Variants in HSDL2 observed in about 807,000 individuals in gnomAD.
HSDL2 encodes the protein hydroxysteroid dehydrogenase-like protein 2.
HSDL2 carries 27 observed loss-of-function variants against 46.3 expected under a neutral mutation model. The observed-to-expected ratio is 0.58, with a 90% CI of 0.43 to 0.80. The LOEUF is 0.80. HSDL2 is among the 30% of genes least tolerant of loss of function. HSDL2 has a pLI of 0.00. For synonymous variants in HSDL2, 153 were observed against 163.6 expected (o/e 0.94, Z 0.50); for missense variants, 451 against 502.7 (o/e 0.90, Z 0.98).
intron 5 of HSDL2, among the ~76,000 whole-genome samples, chr9:112,417,631 C>A (rs1277112812): frequency 6.6e-6 from 1 of 152,052 alleles, no homozygotes; most frequent in African/African-American, 2.4e-5. Context: ...GCACAGTTCA[C>A]TAACATTTGG....
At chr9:112,382,405 A>C (rs546388566) in intron 1 of HSDL2, among the ~76,000 whole-genome samples, 1 of 152,342 alleles carries the variant, frequency 6.6e-6, no homozygotes, top group African/African-American at 2.4e-5. Flanking sequence ...AATGATGAAA[A>C]TCTAATTAGA....
chr9:112,424,339 A>G (rs998467149), intron 6 of HSDL2, among the ~76,000 whole-genome samples: 3 of 144,586 alleles, frequency 2.1e-5, no homozygotes, highest in Non-Finnish European at 3.1e-5. Flanking sequence ...AAAAAAAATT[A>G]TATTTTCTGT....
At chr9:112,393,841 G>T (rs1564103889) in intron 1 of HSDL2, among the ~76,000 whole-genome samples, 1 of 152,186 alleles carries the variant, frequency 6.6e-6, no homozygotes, top group Admixed American at 6.5e-5. Flanking sequence ...CAGTTTGATT[G>T]TTCATCCAAA....
rs1389550162 is a variant in HSDL2, at chr9:112,471,583, T to G, written c.*1039T>G. 1 of 152,270 alleles carries G rather than the reference T, an allele frequency of 6.6e-6. No homozygotes were observed. The highest frequency in any genetic ancestry group is 6.5e-5 in the Admixed American group (1 of 15,278). 9.4% of individuals were successfully genotyped at this position (152,270 alleles called of 1,614,324 possible). A position where few individuals can be genotyped will look rare whatever the true frequency, so the allele number is the denominator to read the frequency against. On this transcript the variant is annotated 3_prime_UTR_variant, in exon 11 of 11. Coordinates refer to ENST00000398805, the MANE Select transcript of HSDL2 (RefSeq NM_032303.5). ...AAATTTCTGTTGTTAAGCCGTCCACTGTGGGAGGCCGACGCAGGAGGATTG... is the reference window on the plus strand; with the variant it reads ...AAATTTCTGTTGTTAAGCCGTCCACGGTGGGAGGCCGACGCAGGAGGATTG...
intron 8 of HSDL2, among the ~76,000 whole-genome samples, chr9:112,445,584 G>A (rs760567435): frequency 3.3e-5 from 5 of 151,852 alleles, no homozygotes; most frequent in African/African-American, 4.8e-5. Flanking sequence ...GAATGCAGTG[G>A]CATGATCTTG....
At chr9:112,437,312 C>T (rs1832549156) in intron 6 of HSDL2, among the ~76,000 whole-genome samples, 1 of 152,058 alleles carries the variant, frequency 6.6e-6, no homozygotes, top group East Asian at 1.9e-4. Flanking sequence ...AAAGGACCCC[C>T]AGAAATCCAA....
At chr9:112,452,472 C>A (rs1305356327) in intron 8 of HSDL2, among the ~76,000 whole-genome samples, 1 of 152,172 alleles carries the variant, frequency 6.6e-6, no homozygotes. Flanking sequence ...AGAGGCCGGG[C>A]ACGGTGGCTC....
At chr9:112,404,303 T>G in intron 2 of HSDL2, 145 bp downstream of exon 2, 1 of 738,776 alleles carries the variant, frequency 1.4e-6, no homozygotes, top group South Asian at 2.1e-5. Context: ...GTTGTCACCT[T>G]GGGGCAGTGC....
intron 6 of HSDL2, among the ~76,000 whole-genome samples, chr9:112,428,953 C>A (rs1037512716): frequency 8.5e-5 from 13 of 152,162 alleles, no homozygotes; most frequent in African/African-American, 3.1e-4. Flanking sequence ...GGCTGGAGTG[C>A]AGTGGTGCGA....
At chr9:112,399,872 CAT>C (rs372250133) in intron 1 of HSDL2, among the ~76,000 whole-genome samples, 2,058 of 152,250 alleles carry the variant, frequency 0.014, 73 homozygotes, top group East Asian at 0.1. Flanking sequence ...TTCAAACACA[CAT>C]GTTTTACAAT....
chr9:112,403,655 A>C (rs918010831), intron 1 of HSDL2, among the ~76,000 whole-genome samples: 7 of 152,234 alleles, frequency 4.6e-5, no homozygotes, highest in African/African-American at 1.7e-4. Flanking sequence ...TCAAAAAAAA[A>C]AAGCTTTATT....
In HSDL2 at chr9:112,418,931, G is replaced by T; in HGVS notation, c.571G>T (p.Ala191Ser). The T allele has an allele frequency of 6.3e-7, 1 of 1,598,540 alleles. No homozygotes were observed. The highest frequency in any genetic ancestry group is 8.6e-7 in the Non-Finnish European group (1 of 1,168,210). The change falls in exon 6 of 11, where the codon GCA becomes TCA. Residue 191 changes from alanine to serine, a missense_variant. Physicochemically the swap from Ala to Ser is moderately conservative, Grantham distance 99 (BLOSUM62 1). Transcript: ENST00000398805. ...GMAEEFKGEI[A>S]VNALWPKTAI... ...GGCAGAAGAATTTAAAGGTGAAATT[G>T]CAGTCAATGCATTATGGCCTAAAAC...
intron 1 of HSDL2, among the ~76,000 whole-genome samples, chr9:112,400,786 C>T (rs80113523): frequency 0.14 from 20,869 of 152,174 alleles, 1,799 homozygotes; most frequent in East Asian, 0.21. Flanking sequence ...TCCTTGTGTT[C>T]AGGGCTTGCA....
chr9:112,436,463 G>A (rs1832525930), intron 6 of HSDL2, among the ~76,000 whole-genome samples: 2 of 151,942 alleles, frequency 1.3e-5, no homozygotes, highest in Admixed American at 1.3e-4. Flanking sequence ...CATATAGTAA[G>A]TGCTTAATAA....
intron 6 of HSDL2, among the ~76,000 whole-genome samples, chr9:112,424,766 T>C (rs1230224370): frequency 6.6e-6 from 1 of 151,692 alleles, no homozygotes; most frequent in Non-Finnish European, 1.5e-5. Flanking sequence ...AGAAGACTAG[T>C]CCCATCCATT....
intron 7 of HSDL2, among the ~76,000 whole-genome samples, chr9:112,440,215 G>A (rs115558713): frequency 0.015 from 2,241 of 152,068 alleles, 44 homozygotes; most frequent in African/African-American, 0.052. Flanking sequence ...ATCCTATTAA[G>A]TATTGAGAAC....
rs138808568 is a variant in HSDL2, at chr9:112,419,969, C to T, written c.598+1011C>T. 8.3e-3 allele frequency among the ~76,000 whole-genome samples: 1,260 copies of T among 152,296 alleles called. 22 individuals are homozygous for T. The highest frequency in any genetic ancestry group is 0.029 in the African/African-American group (1,202 of 41,566). On this transcript the variant is annotated intron_variant, in intron 6 of 10. Transcript: ENST00000398805. ...AGTAGCTTAAAGGAAGAAAAAGAGACGATAACATTTCACTACACATTTTTC... is the reference window on the plus strand; with the variant it reads ...AGTAGCTTAAAGGAAGAAAAAGAGATGATAACATTTCACTACACATTTTTC...
Position 112,391,048 on chromosome 9 carries a change from T to C in HSDL2, c.17+10868T>C, listed in dbSNP as rs1029080650. ...AAAATTAGCCAGGCATGGTGGCACA[T>C]GCCTGTAATCCCAACTATTTAGGAG... On this transcript the variant is annotated intron_variant, in intron 1 of 10. Transcript: ENST00000398805. Among the ~76,000 whole-genome samples the C allele has an allele frequency of 3.1e-4, 47 of 151,838 alleles. 1 individual carries two copies. The highest frequency in any genetic ancestry group is 7.4e-5 in the Non-Finnish European group (5 of 67,978).
intron 6 of HSDL2, among the ~76,000 whole-genome samples, chr9:112,436,997 T>G (rs1307078322): frequency 7.0e-6 from 1 of 143,676 alleles, no homozygotes; most frequent in African/African-American, 2.6e-5. Flanking sequence ...TCTCGCTCTG[T>G]CACCCAGGCT....
Sources: gnomAD v4.1 joint callset for allele counts (sites outside exome capture counted in the v4.1 genomes callset) on GRCh38, gnomAD v4.1.1 for gene constraint, MANE v1.5 for transcripts, NCBI Gene and HGNC (gene_info 2026-07-23, HGNC 2026-07-21) for gene names.